The following AFF3 variants were observed in gnomAD, a reference collection of about 807,000 sequenced individuals.
The protein encoded by AFF3 is ALF transcription elongation factor 3.
A neutral mutation model predicts 129.7 loss-of-function variants in AFF3; 32 were observed. That is an observed-to-expected ratio of 0.25 (90% CI 0.19 to 0.33). The LOEUF (loss-of-function observed/expected upper bound fraction) is 0.33. Among genes scored for constraint, AFF3 ranks in the 10% least tolerant of loss-of-function variants. The pLI is 1.00. For synonymous variants in AFF3, 644 were observed against 635.4 expected (o/e 1.01, Z -0.20); for missense variants, 1,373 against 1,592.0 (o/e 0.86, Z 2.34).
intron 7 of AFF3, among the ~76,000 whole-genome samples, chr2:99,887,938 C>T (rs1011034598): frequency 5.9e-5 from 9 of 152,098 alleles, no homozygotes; most frequent in Admixed American, 2.0e-4. Flanking sequence ...CAAACAGGCA[C>T]GTCCCTAAAT....
At chr2:99,924,396 T>G (rs1237823773) in intron 7 of AFF3, among the ~76,000 whole-genome samples, 1 of 152,206 alleles carries the variant, frequency 6.6e-6, no homozygotes, top group Non-Finnish European at 1.5e-5. Flanking sequence ...AAATGAACCC[T>G]GCTACCCATA....
chr2:100,132,201 T>C (rs1328530190), intron 1 of AFF3, among the ~76,000 whole-genome samples: 2 of 152,174 alleles, frequency 1.3e-5, no homozygotes, highest in African/African-American at 4.8e-5. Flanking sequence ...AACAATGTGT[T>C]ATATGCTTGA....
intron 7 of AFF3, among the ~76,000 whole-genome samples, chr2:99,964,725 A>G (rs570619312): frequency 4.4e-4 from 67 of 152,342 alleles, no homozygotes; most frequent in African/African-American, 1.4e-3. Flanking sequence ...AGCAATGTAC[A>G]AAAAGAATTA....
intron 1 of AFF3, among the ~76,000 whole-genome samples, chr2:100,133,077 A>G (rs1056817923): frequency 8.6e-5 from 13 of 151,762 alleles, no homozygotes; most frequent in African/African-American, 2.9e-4. Context: ...ACAGGCATGC[A>G]CTACCATACC....
rs573947967 is a variant in AFF3, at chr2:100,063,566, G to GA, written c.53+40835dup. Among the ~76,000 whole-genome samples, 270 of 151,874 alleles carry GA rather than the reference G, an allele frequency of 1.8e-3. 1 individual carries two copies. The highest frequency in any genetic ancestry group is 6.2e-3 in the African/African-American group (256 of 41,430). On this transcript the variant is annotated intron_variant, in intron 4 of 24. Coordinates refer to ENST00000672756, the MANE Select transcript of AFF3 (RefSeq NM_001386135.1). The stretch of plus-strand genomic sequence containing the variant: ...AATTAGTGAATTGGAAGGAAGAAAT[G>GA]AAAAAATTACCTAAAAGGCAATACA...
chr2:99,696,364 AGT>A (rs1325161699), intron 11 of AFF3, among the ~76,000 whole-genome samples: 1 of 152,216 alleles, frequency 6.6e-6, no homozygotes, highest in Non-Finnish European at 1.5e-5. Flanking sequence ...TCAGCCAAAG[AGT>A]GTGCAATTTT....
At chr2:100,003,443 A>T (rs1681621439) in intron 7 of AFF3, among the ~76,000 whole-genome samples, 1 of 152,228 alleles carries the variant, frequency 6.6e-6, no homozygotes, top group African/African-American at 2.4e-5. Flanking sequence ...AACCATAGAC[A>T]GCTTTCCAAG....
chr2:99,878,366 T>G (rs1032640696), intron 7 of AFF3, among the ~76,000 whole-genome samples: 2 of 152,206 alleles, frequency 1.3e-5, no homozygotes, highest in Non-Finnish European at 2.9e-5. Flanking sequence ...GACTTTTTTG[T>G]ACTTTAGGGT....
At chr2:100,069,767 TATC>T (rs1044083631) in intron 4 of AFF3, among the ~76,000 whole-genome samples, 64 of 152,334 alleles carry the variant, frequency 4.2e-4, no homozygotes, top group African/African-American at 1.5e-3. Context: ...AAAATTAATG[TATC>T]ATCAACACGC....
chr2:99,986,404 T>A (rs1679881966), intron 7 of AFF3, among the ~76,000 whole-genome samples: 1 of 151,964 alleles, frequency 6.6e-6, no homozygotes, highest in Non-Finnish European at 1.5e-5. Context: ...GCCATTTTTA[T>A]CAAGTCATAA....
intron 7 of AFF3, among the ~76,000 whole-genome samples, chr2:99,979,692 C>G (rs1679217370): frequency 6.6e-6 from 1 of 152,040 alleles, no homozygotes; most frequent in Non-Finnish European, 1.5e-5. Context: ...TTATGTTGGC[C>G]AGGCTGTCTC....
intron 11 of AFF3, among the ~76,000 whole-genome samples, chr2:99,700,915 G>C (rs1245169625): frequency 1.3e-5 from 2 of 152,236 alleles, no homozygotes; most frequent in African/African-American, 4.8e-5. Context: ...CCTCCTCGGA[G>C]TGAGCGTGAG....
intron 8 of AFF3, among the ~76,000 whole-genome samples, chr2:99,771,167 C>T (rs1683445148): frequency 6.6e-6 from 1 of 152,098 alleles, no homozygotes; most frequent in Non-Finnish European, 1.5e-5. Flanking sequence ...AACAGAAAAC[C>T]AAACACTGCA....
intron 1 of AFF3, among the ~76,000 whole-genome samples, chr2:100,139,053 A>G (rs1692753418): frequency 6.6e-6 from 1 of 152,040 alleles, no homozygotes; most frequent in Non-Finnish European, 1.5e-5. Context: ...CTGTTTGCCA[A>G]TTTATCATCA....
chr2:100,071,750 G>T (rs1377369851), intron 4 of AFF3, among the ~76,000 whole-genome samples: 1 of 152,006 alleles, frequency 6.6e-6, no homozygotes, highest in African/African-American at 2.4e-5. Flanking sequence ...CGACATAAAG[G>T]GGCTGCTACT....
chr2:99,986,784 A>G (rs1181718760), intron 7 of AFF3, among the ~76,000 whole-genome samples: 1 of 152,208 alleles, frequency 6.6e-6, no homozygotes, highest in Non-Finnish European at 1.5e-5. Context: ...TTAAAATGAC[A>G]TTTCAGTAGG....
chr2:99,817,647 G>A (rs776469897), intron 8 of AFF3, among the ~76,000 whole-genome samples: 3 of 152,104 alleles, frequency 2.0e-5, no homozygotes, highest in East Asian at 1.9e-4. Flanking sequence ...TAAGCCTCCC[G>A]AGTAGCTGGG....
chr2:99,705,303 G>A (rs1030327377), intron 11 of AFF3, among the ~76,000 whole-genome samples: 42 of 152,212 alleles, frequency 2.8e-4, no homozygotes, highest in African/African-American at 8.2e-4. Flanking sequence ...ATTTGCCTGT[G>A]TTTGTATTGT....
At chr2:99,879,421 C>T (rs1486192497) in intron 7 of AFF3, among the ~76,000 whole-genome samples, 7 of 152,128 alleles carry the variant, frequency 4.6e-5, no homozygotes, top group Non-Finnish European at 4.4e-5. Flanking sequence ...TGTATAACAA[C>T]AATATTAATA....
Sources: allele counts gnomAD v4.1 joint callset (sites outside exome capture counted in the v4.1 genomes callset), GRCh38; gene constraint gnomAD v4.1.1; transcripts MANE v1.5; gene names NCBI Gene and HGNC (gene_info 2026-07-23, HGNC 2026-07-21).